The following MACROD2 variants were observed in gnomAD, a reference collection of about 807,000 sequenced individuals.
MACROD2 encodes the protein mono-ADP ribosylhydrolase 2, also known as ADP-ribose glycohydrolase MACROD2.
MACROD2 carries 36 observed loss-of-function variants against 70.4 expected under a neutral mutation model. The observed-to-expected ratio is 0.51, with a 90% CI of 0.39 to 0.68. MACROD2 has a LOEUF of 0.68. Ranked by LOEUF, MACROD2 falls within the 30% of genes least tolerant of loss-of-function variation. The pLI, the probability that MACROD2 is intolerant of heterozygous loss-of-function variation, is 0.00. For synonymous variants in MACROD2, 172 were observed against 178.8 expected (o/e 0.96, Z 0.30); for missense variants, 496 against 538.4 (o/e 0.92, Z 0.78).
intron 5 of MACROD2, among the ~76,000 whole-genome samples, chr20:15,093,307 C>T (rs1408591936): frequency 1.3e-5 from 2 of 152,244 alleles, no homozygotes; most frequent in African/African-American, 4.8e-5. Context: ...GAATGGATTC[C>T]ATGACCATTT....
intron 3 of MACROD2, among the ~76,000 whole-genome samples, chr20:14,423,755 A>ATTTT (rs1165796772): frequency 1.7e-4 from 11 of 63,102 alleles, no homozygotes; most frequent in African/African-American, 4.1e-4. Flanking sequence ...GACATCTTAA[A>ATTTT]TTTTTTTTTT....
intron 8 of MACROD2, among the ~76,000 whole-genome samples, chr20:15,764,669 T>C (rs144861007): frequency 6.6e-6 from 1 of 152,318 alleles, no homozygotes; most frequent in Non-Finnish European, 1.5e-5. Flanking sequence ...GCCTTTCATC[T>C]AAGCTGCTAT....
At chr20:14,729,624 A>T (rs535687983) in intron 5 of MACROD2, among the ~76,000 whole-genome samples, 3 of 152,110 alleles carry the variant, frequency 2.0e-5, no homozygotes, top group Non-Finnish European at 4.4e-5. Flanking sequence ...GCACACATTC[A>T]TGCGACTTAT....
intron 4 of MACROD2, among the ~76,000 whole-genome samples, chr20:14,628,131 G>C (rs1984291048): frequency 6.6e-6 from 1 of 152,174 alleles, no homozygotes; most frequent in Non-Finnish European, 1.5e-5. Context: ...GGTAAAAAGA[G>C]AACAGGTTTG....
intron 5 of MACROD2, among the ~76,000 whole-genome samples, chr20:14,807,533 T>C (rs2122161406): frequency 6.6e-6 from 1 of 152,116 alleles, no homozygotes; most frequent in Non-Finnish European, 1.5e-5. Flanking sequence ...ATGCCTCTTC[T>C]CCTCCAAAGG....
chr20:15,547,996 C>A (rs2048046526), intron 8 of MACROD2, among the ~76,000 whole-genome samples: 1 of 152,170 alleles, frequency 6.6e-6, no homozygotes. Flanking sequence ...GGGAAGTCAC[C>A]ACATACTATG....
intron 8 of MACROD2, among the ~76,000 whole-genome samples, chr20:15,579,289 TCAAATTGTCCC>T (rs71836533): frequency 0.05 from 7,598 of 152,276 alleles, 429 homozygotes; most frequent in African/African-American, 0.13. Context: ...GCTCTGCTTA[TCAAATTGTCCC>T]AAAGAGTAAT....
intron 3 of MACROD2, among the ~76,000 whole-genome samples, chr20:14,254,777 C>G (rs1042353810): frequency 6.6e-6 from 1 of 152,002 alleles, no homozygotes; most frequent in Non-Finnish European, 1.5e-5. Context: ...GAATTTGATC[C>G]TGTCATTATG....
chr20:15,498,648 G>T (rs1239050105), intron 7 of MACROD2, among the ~76,000 whole-genome samples: 3 of 152,174 alleles, frequency 2.0e-5, no homozygotes, highest in African/African-American at 7.2e-5. Flanking sequence ...TAGATTAATG[G>T]TTACCAGGGG....
chr20:15,445,724 G>A (rs1213105835), intron 7 of MACROD2, among the ~76,000 whole-genome samples: 1 of 152,094 alleles, frequency 6.6e-6, no homozygotes, highest in Non-Finnish European at 1.5e-5. Context: ...TAGGCTCTTA[G>A]AACTGAAAGG....
At chr20:15,500,517 A>G (rs958585765) in intron 8 of MACROD2, among the ~76,000 whole-genome samples, 4 of 152,216 alleles carry the variant, frequency 2.6e-5, no homozygotes, top group African/African-American at 7.2e-5. Flanking sequence ...GTCAGTTTAC[A>G]TATTGTAACA....
chr20:14,241,192 G>C (rs1488406284), intron 3 of MACROD2, among the ~76,000 whole-genome samples: 1 of 152,182 alleles, frequency 6.6e-6, no homozygotes, highest in Non-Finnish European at 1.5e-5. Context: ...TTCTTTTGGA[G>C]CTTAGTATAT....
At chr20:14,874,060 A>G (rs763677496) in intron 5 of MACROD2, among the ~76,000 whole-genome samples, 28 of 152,094 alleles carry the variant, frequency 1.8e-4, no homozygotes, top group Non-Finnish European at 3.4e-4. Flanking sequence ...GCCAGATAAT[A>G]ATATTGCTTT....
chr20:15,057,848 C>G (rs866930318), intron 5 of MACROD2, among the ~76,000 whole-genome samples: 2 of 152,024 alleles, frequency 1.3e-5, no homozygotes, highest in East Asian at 3.9e-4. Context: ...TCAGAATGTT[C>G]TTTTTTTTGA....
chr20:14,668,904 A>AT (rs1600519479), intron 4 of MACROD2, among the ~76,000 whole-genome samples: 1 of 152,068 alleles, frequency 6.6e-6, no homozygotes, highest in East Asian at 1.9e-4. Context: ...CTATTGAATA[A>AT]TTTTTTCCTG....
At chr20:14,304,181 T>C (rs925790330) in intron 3 of MACROD2, among the ~76,000 whole-genome samples, 3 of 152,210 alleles carry the variant, frequency 2.0e-5, no homozygotes, top group Non-Finnish European at 4.4e-5. Flanking sequence ...AATTGATGTC[T>C]AGATTATTTT....
rs546767752 is a variant in MACROD2 at position 14,328,290 on chromosome 20, C to G, written c.272-165189C>G. ...CAGCTAACCTAAGTGGAAAATTTCA[C>G]TTCATATTAAATTCTGTCTTTCTTC... On this transcript the variant is annotated intron_variant, in intron 3 of 17. Transcript: ENST00000684519. Among the ~76,000 whole-genome samples, 128 of 152,166 alleles carry G rather than the reference C, an allele frequency of 8.4e-4. 1 individual carries two copies. Among genetic ancestry groups the G allele is most frequent in the African/African-American group, 3.0e-3 (125 of 41,540 alleles).
chr20:15,181,973 G>GA (rs532840264), intron 5 of MACROD2, among the ~76,000 whole-genome samples: 759 of 138,956 alleles, frequency 5.5e-3, no homozygotes, highest in African/African-American at 7.7e-3. Context: ...TCATCACTTT[G>GA]AAAAAAAAAA....
intron 3 of MACROD2, among the ~76,000 whole-genome samples, chr20:14,139,174 A>G (rs1424852665): frequency 1.3e-5 from 2 of 152,222 alleles, no homozygotes; most frequent in Non-Finnish European, 2.9e-5. Flanking sequence ...TTTATCATTT[A>G]GAATATTTTT....
Sources: allele counts gnomAD v4.1 joint callset (sites outside exome capture counted in the v4.1 genomes callset), GRCh38; gene constraint gnomAD v4.1.1; transcripts MANE v1.5; gene names NCBI Gene and HGNC (gene_info 2026-07-23, HGNC 2026-07-21).